CHST8: variants seen among roughly 807,000 people sequenced by gnomAD.
CHST8 encodes the protein GALNAC-4-ST1.
A neutral mutation model predicts 15.0 loss-of-function variants in CHST8; 10 were observed. The observed-to-expected ratio is 0.67, with a 90% CI of 0.41 to 1.13. The LOEUF (loss-of-function observed/expected upper bound fraction) is 1.13. Among genes scored for constraint, CHST8 ranks in the 50% most tolerant of loss-of-function variants. The pLI is 0.00. For missense variants in CHST8, 634 were observed against 608.2 expected (o/e 1.04, Z -0.45); for synonymous variants, 259 against 256.6 (o/e 1.01, Z -0.09).
intron 1 of CHST8, among the ~76,000 whole-genome samples, chr19:33,632,576 A>G (rs1344593317): frequency 2.6e-5 from 4 of 152,056 alleles, no homozygotes; most frequent in Non-Finnish European, 5.9e-5. Context: ...AACAGATCCT[A>G]CGTATACAAT....
intron 3 of CHST8, among the ~76,000 whole-genome samples, chr19:33,715,062 C>T (rs1346849124): frequency 6.6e-6 from 1 of 152,316 alleles, no homozygotes; most frequent in Non-Finnish European, 1.5e-5. Flanking sequence ...AAGATCACTC[C>T]TCCACACAAT....
intron 1 of CHST8, among the ~76,000 whole-genome samples, chr19:33,640,180 T>G (rs997209738): frequency 6.6e-6 from 1 of 152,194 alleles, no homozygotes; most frequent in African/African-American, 2.4e-5. Flanking sequence ...GACCCTAATG[T>G]CAGAAATCTT....
intron 1 of CHST8, among the ~76,000 whole-genome samples, chr19:33,651,081 C>T (rs1972442928): frequency 6.6e-6 from 1 of 152,120 alleles, no homozygotes; most frequent in Non-Finnish European, 1.5e-5. Context: ...GTATCATTTG[C>T]AGTACAAAAG....
intron 3 of CHST8, among the ~76,000 whole-genome samples, chr19:33,750,736 A>G (rs1974400810): frequency 6.6e-6 from 1 of 152,144 alleles, no homozygotes; most frequent in African/African-American, 2.4e-5. Context: ...GTTCTCTTAC[A>G]AGGCCCCAGG....
chr19:33,730,436 C>T (rs1031232305), intron 3 of CHST8, among the ~76,000 whole-genome samples: 1 of 152,184 alleles, frequency 6.6e-6, no homozygotes, highest in Non-Finnish European at 1.5e-5. Flanking sequence ...AATACAGGGA[C>T]CACGCTAAGC....
At chr19:33,645,973 A>C (rs1972350603) in intron 1 of CHST8, among the ~76,000 whole-genome samples, 1 of 152,002 alleles carries the variant, frequency 6.6e-6, no homozygotes, top group African/African-American at 2.4e-5. Flanking sequence ...CAGAAAATAC[A>C]AAAAATTAGC....
At chr19:33,650,048 T>C (rs1972413864) in intron 1 of CHST8, among the ~76,000 whole-genome samples, 1 of 152,210 alleles carries the variant, frequency 6.6e-6, no homozygotes, top group South Asian at 2.1e-4. Context: ...TATAACTTGG[T>C]GTCTTACTGC....
chr19:33,643,526 C>T (rs144174108), intron 1 of CHST8, among the ~76,000 whole-genome samples: 72 of 152,302 alleles, frequency 4.7e-4, no homozygotes, highest in African/African-American at 1.6e-3. Flanking sequence ...ACACATATGC[C>T]GCAGGTGCGA....
At chr19:33,634,841 C>A (rs1363124758) in intron 1 of CHST8, among the ~76,000 whole-genome samples, 3 of 152,160 alleles carry the variant, frequency 2.0e-5, no homozygotes, top group Non-Finnish European at 4.4e-5. Context: ...TTGGCGGGGA[C>A]TCGTTAGTCA....
chr19:33,638,589 C>T (rs1245066819), intron 1 of CHST8, among the ~76,000 whole-genome samples: 2 of 152,194 alleles, frequency 1.3e-5, no homozygotes, highest in East Asian at 1.9e-4. Context: ...TGCAATCTAT[C>T]GCTGAGTTGT....
intron 3 of CHST8, 75 bp downstream of exon 3, chr19:33,689,466 C>G: frequency 7.0e-7 from 1 of 1,436,546 alleles, no homozygotes; most frequent in Admixed American, 2.4e-5. Flanking sequence ...CACAGCTGCC[C>G]TGGTGTGCTG....
chr19:33,665,732 C>T (rs78503024), intron 1 of CHST8, among the ~76,000 whole-genome samples: 2,123 of 152,262 alleles, frequency 0.014, 35 homozygotes, highest in African/African-American at 0.047. Flanking sequence ...AGCAGTGTCC[C>T]CCAAGGAACA....
At chr19:33,740,178 T>C (rs1409974768) in intron 3 of CHST8, among the ~76,000 whole-genome samples, 1 of 151,818 alleles carries the variant, frequency 6.6e-6, no homozygotes, top group East Asian at 1.9e-4. Flanking sequence ...CTCAAACTAG[T>C]TCACAGGAGC....
intron 3 of CHST8, among the ~76,000 whole-genome samples, chr19:33,727,599 G>A (rs1332872779): frequency 6.6e-6 from 1 of 152,186 alleles, no homozygotes; most frequent in East Asian, 1.9e-4. Context: ...AATCCATTTT[G>A]TGAATAGACT....
intron 3 of CHST8, among the ~76,000 whole-genome samples, chr19:33,690,085 G>A (rs1399425373): frequency 1.3e-5 from 2 of 152,172 alleles, no homozygotes; most frequent in Non-Finnish European, 2.9e-5. Flanking sequence ...GGAAGGACAG[G>A]AGGTCAGCTG....
intron 2 of CHST8, among the ~76,000 whole-genome samples, chr19:33,687,029 A>C (rs913839655): frequency 2.0e-5 from 3 of 152,064 alleles, no homozygotes; most frequent in Admixed American, 6.5e-5. Flanking sequence ...CATCTTTTCC[A>C]TTCTTCTAAC....
At chr19:33,763,916 C>A (rs950041524) in intron 3 of CHST8, among the ~76,000 whole-genome samples, 1 of 152,224 alleles carries the variant, frequency 6.6e-6, no homozygotes, top group South Asian at 2.1e-4. Context: ...AAGCAGGCCC[C>A]GGCCTGGCAT....
At chr19:33,726,365 A>G (rs1488454404) in intron 3 of CHST8, among the ~76,000 whole-genome samples, 1 of 152,132 alleles carries the variant, frequency 6.6e-6, no homozygotes, top group Non-Finnish European at 1.5e-5. Flanking sequence ...GTTCGAGACC[A>G]GCCTGGGCAA....
At chr19:33,684,345 C>T (rs1044566399) in intron 2 of CHST8, among the ~76,000 whole-genome samples, 1 of 152,192 alleles carries the variant, frequency 6.6e-6, no homozygotes, top group Non-Finnish European at 1.5e-5. Context: ...GCGTGCCGCC[C>T]GGCAGGGGCC....
Sources: gnomAD v4.1 joint callset for allele counts (sites outside exome capture counted in the v4.1 genomes callset) on GRCh38, gnomAD v4.1.1 for gene constraint, MANE v1.5 for transcripts, NCBI Gene and HGNC (gene_info 2026-07-23, HGNC 2026-07-21) for gene names.